The following ARSD variants were observed in gnomAD, a reference collection of about 807,000 sequenced individuals.
ARSD encodes the protein arylsulfatase D.
In ARSD, 21 loss-of-function variants were observed where a neutral mutation model predicts 32.6. The ratio of observed to expected loss-of-function variants is 0.64; its 90% CI spans 0.46 to 0.93. The LOEUF (loss-of-function observed/expected upper bound fraction) is 0.93, where lower values mean the gene tolerates loss of function less well. Ranked by LOEUF, ARSD falls within the 40% of genes least tolerant of loss-of-function variation. ARSD has a pLI of 0.00. For synonymous variants in ARSD, 224 were observed against 237.4 expected, an observed-to-expected ratio of 0.94 and a Z score of 0.52; for missense variants, 454 against 520.9, an observed-to-expected ratio of 0.87 and a Z score of 1.25.
In ARSD at chrX:2,910,781, T is replaced by C; in HGVS notation, c.1013A>G (p.Asn338Ser). 1 of 1,210,107 alleles carries C rather than the reference T, an allele frequency of 8.3e-7. No homozygotes were observed. ...EMDWLIGKVL[N>S]AIEDNGLKNS... ...CTTTAAACCATTGTCTTCGATGGCATTAAGAACCTTACCTTTACAGAAAAT... is the reference window on the plus strand; with the variant it reads ...CTTTAAACCATTGTCTTCGATGGCACTAAGAACCTTACCTTTACAGAAAAT... Residue 338 changes from asparagine (N) to serine (S), a missense_variant, in exon 7 of 10, where the codon AAT becomes AGT. Asn to Ser is a conservative substitution (Grantham distance 46, BLOSUM62 1). Around this residue, in one of 3 missense-constraint regions of ARSD, gnomAD observed 271 missense variants for 301.0 expected, o/e 0.90. Coordinates refer to ENST00000381154, the MANE Select transcript of ARSD (RefSeq NM_001669.4).
chrX:2,914,165 A>G, intron 6 of ARSD: 1 of 758,700 alleles, frequency 1.3e-6, no homozygotes, highest in South Asian at 6.6e-5. Context: ...AGACTAAGTA[A>G]TCAGAAATAC....
intron 5 of ARSD, among the ~76,000 whole-genome samples, chrX:2,917,066 CAAAAAAAAA>C (rs63580360): frequency 3.8e-5 from 2 of 52,713 alleles, no homozygotes; most frequent in Non-Finnish European, 7.0e-5. Context: ...GACATTGTCT[CAAAAAAAAA>C]AAAAAAAAAA....
chrX:2,909,968 T>C lies in ARSD; in HGVS notation c.1147A>G (p.Met383Val), dbSNP rs1374288480. 3.3e-6 allele frequency: 4 copies of C among 1,210,963 alleles called. No individual in the cohort carries two copies. Among genetic ancestry groups the C allele is most frequent in the Admixed American group, 2.2e-5 (1 of 45,939 alleles). Residue 383 changes from methionine to valine, a missense_variant, in exon 8 of 10, where the codon ATG becomes GTG. By Grantham distance (21) the Met-to-Val change is conservative (BLOSUM62 1). Coordinates refer to ENST00000381154, the MANE Select transcript of ARSD (RefSeq NM_001669.4). ...WNGIYKGGKG[M>V]GGWEGGIRVP... is the part of the protein sequence containing the mutation. ...CGGATCCCACCTTCCCATCCTCCCA[T>C]GCCCTTCCCACCTGTAAGTAGAAGA... is the stretch of plus-strand genomic sequence containing the variant.
At chrX:2,922,865 A>G (rs867436157) in intron 2 of ARSD, among the ~76,000 whole-genome samples, 1 of 94,819 alleles carries the variant, frequency 1.1e-5, no homozygotes, top group East Asian at 4.4e-4. Context: ...AAAAAAAAAA[A>G]AAAAAAGAAA....
At chrX:2,927,605 C>G (rs960466200) in intron 1 of ARSD, among the ~76,000 whole-genome samples, 1 of 112,258 alleles carries the variant, frequency 8.9e-6, no homozygotes, top group Non-Finnish European at 1.9e-5. Context: ...AAAATCCTAA[C>G]TTTCCATGCC....
rs191290277 is a variant in ARSD, at chrX:2,909,524, A to G, written c.1298+293T>C. ...TTAATCATAACAGACCCCAAGACAC[A>G]TGGCCACATGGGTAAAGGAGATGGT... is the stretch of plus-strand genomic sequence containing the variant. On this transcript the variant is annotated intron_variant, in intron 8 of 9. Transcript: ENST00000381154. 6.4e-5 allele frequency among the ~76,000 whole-genome samples: 7 copies of G among 109,424 alleles called. No homozygotes were observed. The East Asian group carries it at 1.2e-3, about 18-fold the overall frequency.
At chrX:2,909,080 G>GCACACA (rs60574020) in intron 8 of ARSD, among the ~76,000 whole-genome samples, 1,234 of 105,897 alleles carry the variant, frequency 0.012, 21 homozygotes, top group African/African-American at 0.039. Context: ...TAAGCAGAGT[G>GCACACA]CACACACACA....
chrX:2,920,790 G>C, intron 3 of ARSD, 67 bp from the exon 4 acceptor site: 2 of 1,158,993 alleles, frequency 1.7e-6, no homozygotes, highest in Non-Finnish European at 2.3e-6. Flanking sequence ...TCAACCAGAG[G>C]GATTTGGTGT....
At chrX:2,919,137 T>C (rs995512598) in intron 4 of ARSD, among the ~76,000 whole-genome samples, 1 of 104,531 alleles carries the variant, frequency 9.6e-6, no homozygotes, top group African/African-American at 3.6e-5. Flanking sequence ...AAATAAATAA[T>C]AAATAAAAGA....
chrX:2,922,032 A>C lies in ARSD; in HGVS notation c.195-8T>G, dbSNP rs1217351747. ...TGGTCAATATTCGGCGTTCTGAGCA[A>C]AGCACACAAATGTCATTGTTGGAAG... On this transcript the variant is annotated splice_region_variant and splice_polypyrimidine_tract_variant and intron_variant, in intron 2 of 9. Coordinates refer to ENST00000381154, the MANE Select transcript of ARSD (RefSeq NM_001669.4). The C allele has an allele frequency of 1.7e-6, 2 of 1,193,207 alleles. No individual in the cohort carries two copies. Among genetic ancestry groups the C allele is most frequent in the East Asian group, 6.0e-5 (2 of 33,508 alleles).
In ARSD at chrX:2,910,706, G is replaced by A; in HGVS notation, c.1088C>T (p.Ala363Val). The change falls in exon 7 of 10, where the codon GCA becomes GTA. Residue 363 changes from alanine to valine, a missense_variant. Transcript: ENST00000381154. Reference protein sequence around the residue: ...FTSDHGGHLEARDGHSQLGGW... With the variant: ...FTSDHGGHLEVRDGHSQLGGW... ...CCCTAACTGGCTGTGTCCATCTCTT[G>A]CCTCTAAATGTCCTCCATGGTCAGA... The A allele has an allele frequency of 3.3e-6, 4 of 1,211,534 alleles. No individual in the cohort carries two copies. The highest frequency in any genetic ancestry group is 3.0e-5 in the East Asian group (1 of 33,828).
intron 8 of ARSD, 105 bp downstream of exon 8, chrX:2,909,712 A>T: frequency 4.4e-5 from 27 of 617,541 alleles, no homozygotes; most frequent in South Asian, 1.0e-4. Context: ...AAGCTTATTT[A>T]TGTAACCAAA....
At chrX:2,910,624 C>G in intron 7 of ARSD, 35 bp downstream of exon 7, 1 of 1,209,666 alleles carries the variant, frequency 8.3e-7, no homozygotes. Flanking sequence ...GATATTTGGT[C>G]GAATGCATAT....
chrX:2,927,239 C>CT (rs2089091779), intron 1 of ARSD, among the ~76,000 whole-genome samples: 2 of 46,724 alleles, frequency 4.3e-5, no homozygotes, highest in Admixed American at 2.6e-4. Context: ...TCCTAACTTT[C>CT]CTTTTTTTTT....
intron 2 of ARSD, among the ~76,000 whole-genome samples, chrX:2,924,556 G>A (rs73632979): frequency 0.013 from 1,474 of 113,248 alleles, 18 homozygotes; most frequent in African/African-American, 0.043. Context: ...CGCTCTGCTG[G>A]TAAGGTTGGC....
chrX:2,914,491 T>C (rs74575071), intron 6 of ARSD: 1 of 877,023 alleles, frequency 1.1e-6, no homozygotes, highest in South Asian at 2.9e-5. Context: ...CTCCCTGCCT[T>C]AGCCTCCCAA....
At chrX:2,919,122 A>G (rs2089004942) in intron 4 of ARSD, among the ~76,000 whole-genome samples, 1 of 108,478 alleles carries the variant, frequency 9.2e-6, no homozygotes, top group African/African-American at 3.4e-5. Context: ...ATCTCAAAAA[A>G]ATAAAAATAA....
chrX:2,924,424 A>T (rs1359434877), intron 2 of ARSD, among the ~76,000 whole-genome samples: 1 of 113,714 alleles, frequency 8.8e-6, no homozygotes, highest in Non-Finnish European at 1.9e-5. Flanking sequence ...GTTGGCAGCT[A>T]TTGAAAAGCA....
chrX:2,929,173 C>T (rs1303472755), intron 1 of ARSD, 59 bp downstream of exon 1: 1 of 986,688 alleles, frequency 1.0e-6, no homozygotes. Flanking sequence ...GCTCGCGACC[C>T]CCTCCCCAGG....
Sources: gnomAD v4.1 joint callset for allele counts (sites outside exome capture counted in the v4.1 genomes callset) on GRCh38, gnomAD v4.1.1 for gene constraint, gnomAD v4.1.1 regional missense constraint, MANE v1.5 for transcripts, NCBI Gene and HGNC (gene_info 2026-07-23, HGNC 2026-07-21) for gene names.